Variants in LCORL observed in about 807,000 individuals in gnomAD.
LCORL encodes ligand-dependent nuclear receptor corepressor-like protein.
LCORL carries 41 observed loss-of-function variants against 141.8 expected under a neutral mutation model. The ratio of observed to expected loss-of-function variants is 0.29; its 90% CI spans 0.23 to 0.38. The LOEUF (loss-of-function observed/expected upper bound fraction) is 0.38. LCORL is among the 10% of genes least tolerant of loss of function. The probability of loss-of-function intolerance (pLI) is 1.00; values close to 1 mark genes in which losing one functional copy is unlikely to be tolerated. For missense variants in LCORL, 1,759 were observed against 2,035.0 expected (o/e 0.86, Z 2.61); for synonymous variants, 618 against 694.1 (o/e 0.89, Z 1.72).
intron 1 of LCORL, among the ~76,000 whole-genome samples, chr4:17,995,588 T>C (rs1720788230): frequency 2.0e-5 from 3 of 152,114 alleles, no homozygotes; most frequent in African/African-American, 7.2e-5. Context: ...ATGCAACAAG[T>C]AGAAACCAAA....
intron 1 of LCORL, among the ~76,000 whole-genome samples, chr4:18,017,390 T>C (rs1193792716): frequency 2.0e-5 from 3 of 152,124 alleles, no homozygotes; most frequent in South Asian, 2.1e-4. Flanking sequence ...TTAGTTACAA[T>C]GAGATAAATA....
chr4:17,920,415 AG>A (rs374723751), intron 4 of LCORL, among the ~76,000 whole-genome samples: 30 of 152,332 alleles, frequency 2.0e-4, no homozygotes, highest in African/African-American at 7.2e-4. Context: ...CTCAACCTTC[AG>A]CAAGTGGTAA....
chr4:17,880,449 T>C (rs1727411488), intron 6 of LCORL: 1 of 929,034 alleles, frequency 1.1e-6, no homozygotes, highest in South Asian at 5.0e-5. Context: ...GTTTGATTTA[T>C]AAACCAAACA....
At chr4:17,988,025 T>C (rs1283847215) in intron 1 of LCORL, among the ~76,000 whole-genome samples, 1 of 152,190 alleles carries the variant, frequency 6.6e-6, no homozygotes. Context: ...GGGAGGGACC[T>C]GGTGGAAGAT....
chr4:17,890,299 T>C (rs116744076), intron 5 of LCORL, among the ~76,000 whole-genome samples: 1,681 of 152,212 alleles, frequency 0.011, 22 homozygotes, highest in South Asian at 0.019. Context: ...CAGGATTAAG[T>C]GAAAAAGACA....
At chr4:17,899,237 T>C (rs1166955001) in intron 5 of LCORL, among the ~76,000 whole-genome samples, 1 of 152,206 alleles carries the variant, frequency 6.6e-6, no homozygotes, top group African/African-American at 2.4e-5. Flanking sequence ...TTGATTTTTC[T>C]AATACTGCTT....
chr4:17,881,122 T>A, intron 6 of LCORL: 1 of 982,996 alleles, frequency 1.0e-6, no homozygotes, highest in Non-Finnish European at 1.2e-6. Context: ...GAGCAGTAGT[T>A]TTCTAAAAAC....
chr4:17,854,608 A>AC (rs1444148444), intron 7 of LCORL, among the ~76,000 whole-genome samples: 2 of 152,272 alleles, frequency 1.3e-5, no homozygotes, highest in East Asian at 3.9e-4. Flanking sequence ...TCTAAGGGTG[A>AC]CCATGAGGTC....
exon 8 of LCORL, chr4:17,842,615 T>C (rs1722524955): frequency 4.9e-6 from 2 of 408,202 alleles, no homozygotes; most frequent in East Asian, 8.6e-5. Context: ...CTTTAATATG[T>C]TGTTTCAATT....
intron 4 of LCORL, among the ~76,000 whole-genome samples, chr4:17,956,957 A>T (rs1712770897): frequency 1.3e-5 from 2 of 152,084 alleles, no homozygotes; most frequent in Non-Finnish European, 1.5e-5. Flanking sequence ...TTGGAATGAG[A>T]GTATTGGGAT....
chr4:17,892,216 T>C (rs919927383), intron 5 of LCORL, among the ~76,000 whole-genome samples: 5 of 149,042 alleles, frequency 3.4e-5, no homozygotes, highest in Non-Finnish European at 7.4e-5. Context: ...TTTCTTTTTT[T>C]TTTTTTTTTT....
intron 2 of LCORL, among the ~76,000 whole-genome samples, chr4:17,967,207 A>G (rs1715061254): frequency 6.6e-6 from 1 of 152,204 alleles, no homozygotes; most frequent in South Asian, 2.1e-4. Flanking sequence ...AAAAAAAACA[A>G]AACTTTAGAG....
chr4:17,958,048 A>G (rs1207640518), intron 4 of LCORL, among the ~76,000 whole-genome samples: 2 of 152,036 alleles, frequency 1.3e-5, no homozygotes, highest in Non-Finnish European at 2.9e-5. Context: ...ACTAGTATTT[A>G]TATCATGCTA....
chr4:17,878,366 CA>C (rs1303651359), intron 6 of LCORL, 153 bp from the exon 7 acceptor site: 1 of 193,954 alleles, frequency 5.2e-6, no homozygotes, highest in Non-Finnish European at 9.4e-6. Flanking sequence ...TATTGTTTAG[CA>C]AAAATATAAT....
intron 1 of LCORL, among the ~76,000 whole-genome samples, chr4:18,017,435 T>C (rs1724805225): frequency 6.6e-6 from 1 of 152,076 alleles, no homozygotes; most frequent in South Asian, 2.1e-4. Context: ...GAATACCAGC[T>C]TAACAAAATT....
exon 8 of LCORL, chr4:17,841,532 T>G (rs1406809770): frequency 6.6e-6 from 1 of 151,948 alleles, no homozygotes; most frequent in East Asian, 1.9e-4. Context: ...TAGAAAAAAG[T>G]GTAACATGAA....
chr4:17,943,183 T>C (rs1738255408), intron 4 of LCORL, among the ~76,000 whole-genome samples: 2 of 152,144 alleles, frequency 1.3e-5, no homozygotes, highest in African/African-American at 4.8e-5. Flanking sequence ...GCTCATATAT[T>C]ATTCTCCCTA....
intron 5 of LCORL, among the ~76,000 whole-genome samples, chr4:17,887,553 G>A (rs1728457483): frequency 6.6e-6 from 1 of 152,166 alleles, no homozygotes; most frequent in African/African-American, 2.4e-5. Context: ...TGTCTGGAAT[G>A]TCAGAGGAAT....
In LCORL at chr4:17,915,970, G is replaced by A. The variant is rs187672179; in HGVS notation, c.431-6625C>T. On this transcript the variant is annotated intron_variant, in intron 4 of 7. Coordinates refer to ENST00000635767, the Ensembl canonical transcript of LCORL. ...ACCAACCCAACTGCCCCCACAGACT[G>A]TTCTTTTTGATAAACATAGAAATTG... Among the ~76,000 whole-genome samples the A allele has an allele frequency of 4.3e-3, 656 of 152,274 alleles. 4 individuals carry two copies. Among genetic ancestry groups the A allele is most frequent in the African/African-American group, 0.015 (634 of 41,554 alleles).
Sources: gnomAD v4.1 joint callset for allele counts (sites outside exome capture counted in the v4.1 genomes callset) on GRCh38, gnomAD v4.1.1 for gene constraint, MANE v1.5 for transcripts, NCBI Gene and HGNC (gene_info 2026-07-23, HGNC 2026-07-21) for gene names.